The following SCLT1 variants were observed in gnomAD, a reference collection of about 807,000 sequenced individuals.
SCLT1 encodes sodium channel-associated protein 1.
SCLT1 carries 78 observed loss-of-function variants against 112.8 expected under a neutral mutation model. The observed-to-expected ratio is 0.69, with a 90% CI of 0.58 to 0.83. The LOEUF (loss-of-function observed/expected upper bound fraction) is 0.83, where lower values mean the gene tolerates loss of function less well. SCLT1 is among the 40% of genes least tolerant of loss of function. The pLI is 0.00. For missense variants in SCLT1, 747 were observed against 770.4 expected, an observed-to-expected ratio of 0.97 and a Z score of 0.36; for synonymous variants, 257 against 254.7, an observed-to-expected ratio of 1.01 and a Z score of -0.09.
chr4:129,028,971 A>C (rs1369482116), intron 5 of SCLT1, among the ~76,000 whole-genome samples: 1 of 152,242 alleles, frequency 6.6e-6, no homozygotes, highest in Non-Finnish European at 1.5e-5. Context: ...TCAAAACCAC[A>C]GTGAGATACC....
chr4:128,954,400 GCC>G (rs1328357782), intron 13 of SCLT1, among the ~76,000 whole-genome samples: 1 of 148,438 alleles, frequency 6.7e-6, no homozygotes, highest in Admixed American at 6.8e-5. Flanking sequence ...CTCACGGCAA[GCC>G]CCGCCTCCTG....
intron 9 of SCLT1, among the ~76,000 whole-genome samples, chr4:128,977,253 T>C (rs1741257586): frequency 6.6e-6 from 1 of 152,238 alleles, no homozygotes; most frequent in African/African-American, 2.4e-5. Flanking sequence ...AATTTGGACA[T>C]GTTGAGCCTT....
rs1275301250 is a variant in SCLT1, at chr4:128,965,248, C to T, written c.848G>A (p.Ser283Asn). 1 of 1,596,466 alleles carries T rather than the reference C, an allele frequency of 6.3e-7. No individual in the cohort carries two copies. The highest frequency in any genetic ancestry group is 1.7e-5 in the Admixed American group (1 of 59,852). ...SDRRLQQLQS[S>N]IKQLEIRLCV... ...TTACCTTATTTCTAATTGTTTTATACTAGACTGTAACTGCTGTAAACGCCT... is the reference window on the plus strand; with the variant it reads ...TTACCTTATTTCTAATTGTTTTATATTAGACTGTAACTGCTGTAAACGCCT... The change falls in exon 11 of 21, where the codon AGT becomes AAT. Residue 283 changes from serine (S) to asparagine (N), a missense_variant. Around this residue, in one of 2 missense-constraint regions of SCLT1, gnomAD observed 723 missense variants for 721.3 expected, o/e 1.00. Transcript: ENST00000281142.
chr4:128,978,451 AC>A lies in SCLT1; in HGVS notation c.687-7984del, dbSNP rs200245575. Among the ~76,000 whole-genome samples, 8 of 150,354 alleles carry A rather than the reference AC, an allele frequency of 5.3e-5. No homozygotes were observed. The East Asian group carries it at 9.6e-4, about 18-fold the overall frequency. ...GAAGCAAAAAACAAAACAAAACAAA[AC>A]AAAAAAACAAGCAACAAAAGTCAGA... On this transcript the variant is annotated intron_variant, in intron 9 of 20. Transcript: ENST00000281142.
chr4:128,946,094 T>C lies in SCLT1; in HGVS notation c.1352A>G (p.Gln451Arg). The C allele has an allele frequency of 6.2e-7, 1 of 1,609,454 alleles. No homozygotes were observed. The highest frequency in any genetic ancestry group is 2.2e-5 in the East Asian group (1 of 44,762). ...SDYRKLEEMH[Q>R]RFLVSERSKD... ...TGAACGCTCTGAAACCAGGAATCTT[T>C]GGTGCATTTCTTCCAGTTTTCTGTA... Residue 451 changes from glutamine (Q) to arginine (R), a missense_variant, in exon 16 of 21, where the codon CAA becomes CGA. This residue lies in a region of SCLT1 where 723 missense variants were observed against 721.3 expected (regional missense o/e 1.00). Coordinates refer to ENST00000281142, the MANE Select transcript of SCLT1 (RefSeq NM_144643.4).
At chr4:128,997,313 T>C (rs905234606) in intron 8 of SCLT1, 4 of 151,942 alleles carry the variant, frequency 2.6e-5, no homozygotes, top group Admixed American at 1.3e-4. Context: ...AGGAATTACC[T>C]GAAGTGTCAT....
Position 128,952,758 on chromosome 4 carries a change from G to A in SCLT1, c.1218+11C>T, listed in dbSNP as rs766874157. 7.3e-7 allele frequency: 1 copy of A among 1,377,760 alleles called. No individual in the cohort carries two copies. Among genetic ancestry groups the A allele is most frequent in the African/African-American group, 1.4e-5 (1 of 70,284 alleles). 85.3% of individuals were successfully genotyped at this position (1,377,760 alleles called of 1,614,324 possible). ...ATATTTGGAAGAAAATATCAGTATA[G>A]TCAAACATACCATTTGAAGGGCTGA... On this transcript the variant is annotated intron_variant, in intron 14 of 20. Coordinates refer to ENST00000281142, the MANE Select transcript of SCLT1 (RefSeq NM_144643.4).
chr4:129,054,117 C>T (rs116305207), intron 2 of SCLT1, among the ~76,000 whole-genome samples: 4,948 of 152,266 alleles, frequency 0.032, 131 homozygotes, highest in Admixed American at 0.058. Context: ...CCAAGAGATT[C>T]GCTGTTAGTC....
chr4:128,935,046 T>C (rs1737071312), intron 18 of SCLT1, among the ~76,000 whole-genome samples: 1 of 152,042 alleles, frequency 6.6e-6, no homozygotes, highest in South Asian at 2.1e-4. Flanking sequence ...TATCAAATGC[T>C]TTTTCTATAT....
At chr4:128,924,868 C>A (rs113983182) in intron 18 of SCLT1, among the ~76,000 whole-genome samples, 1 of 152,112 alleles carries the variant, frequency 6.6e-6, no homozygotes, top group South Asian at 2.1e-4. Flanking sequence ...ATATGGTTAA[C>A]GTGATATGAT....
chr4:128,994,865 TTG>T (rs1742876974), intron 8 of SCLT1, among the ~76,000 whole-genome samples: 1 of 152,172 alleles, frequency 6.6e-6, no homozygotes. Flanking sequence ...TTAGGTTTTT[TTG>T]TGTGTCTTTT....
At chr4:129,025,398 CATTCTT>C (rs1178371184) in intron 5 of SCLT1, among the ~76,000 whole-genome samples, 2 of 152,194 alleles carry the variant, frequency 1.3e-5, no homozygotes, top group African/African-American at 4.8e-5. Context: ...CAATATTCAA[CATTCTT>C]AAAGAAAAGA....
At chr4:128,982,784 G>A (rs1295153616) in intron 9 of SCLT1, among the ~76,000 whole-genome samples, 1 of 152,064 alleles carries the variant, frequency 6.6e-6, no homozygotes, top group African/African-American at 2.4e-5. Flanking sequence ...TTACAGGCAT[G>A]AGCTACCGCA....
intron 18 of SCLT1, among the ~76,000 whole-genome samples, chr4:128,925,345 G>T (rs1462418632): frequency 6.6e-6 from 1 of 151,736 alleles, no homozygotes; most frequent in Non-Finnish European, 1.5e-5. Flanking sequence ...TTGGCCGTTA[G>T]TTCTTTTTTT....
intron 5 of SCLT1, among the ~76,000 whole-genome samples, chr4:129,033,495 C>T (rs1369975079): frequency 2.8e-5 from 1 of 35,252 alleles, no homozygotes; most frequent in Non-Finnish European, 5.3e-5. Context: ...TATCCCAGAA[C>T]TTAAAGTAAA....
chr4:128,947,710 A>G (rs1291737774), intron 15 of SCLT1, among the ~76,000 whole-genome samples: 1 of 152,222 alleles, frequency 6.6e-6, no homozygotes, highest in Non-Finnish European at 1.5e-5. Context: ...ATAAAAAAGC[A>G]TATGAAAGAG....
chr4:129,051,044 G>C (rs1748740097), intron 2 of SCLT1, among the ~76,000 whole-genome samples: 1 of 152,016 alleles, frequency 6.6e-6, no homozygotes, highest in Non-Finnish European at 1.5e-5. Flanking sequence ...TAGATGTGTG[G>C]TGTTATTTCT....
chr4:128,977,553 T>C (rs1403374844), intron 9 of SCLT1, among the ~76,000 whole-genome samples: 4 of 152,006 alleles, frequency 2.6e-5, no homozygotes, highest in African/African-American at 4.8e-5. Flanking sequence ...TACAGGGAAA[T>C]AGGAAAGACA....
intron 13 of SCLT1, among the ~76,000 whole-genome samples, chr4:128,954,119 G>A (rs1305728375): frequency 6.6e-6 from 1 of 151,984 alleles, no homozygotes; most frequent in Non-Finnish European, 1.5e-5. Context: ...GAATACTGAT[G>A]CCAATAGTAT....
Sources: gnomAD v4.1 joint callset for allele counts (sites outside exome capture counted in the v4.1 genomes callset) on GRCh38, gnomAD v4.1.1 for gene constraint, gnomAD v4.1.1 regional missense constraint, MANE v1.5 for transcripts, NCBI Gene and HGNC (gene_info 2026-07-23, HGNC 2026-07-21) for gene names.